Variants in DDC observed in about 807,000 individuals in gnomAD.
DDC encodes aromatic-L-amino-acid decarboxylase.
In DDC, 43 loss-of-function variants were observed where a neutral mutation model predicts 60.0. That is an observed-to-expected ratio of 0.72 (90% confidence interval 0.56 to 0.92). The LOEUF is 0.92. Ranked by LOEUF, DDC falls within the 40% of genes least tolerant of loss-of-function variation. The pLI is 0.00. For missense variants in DDC, 573 were observed against 620.2 expected (o/e 0.92, Z 0.81); for synonymous variants, 232 against 234.6 (o/e 0.99, Z 0.10).
chr7:50,479,771 C>A lies in DDC; in HGVS notation c.1021+16G>T. 1 of 1,611,736 alleles carries A rather than the reference C, an allele frequency of 6.2e-7. No homozygotes were observed. On this transcript the variant is annotated intron_variant, in intron 10 of 14. Transcript: ENST00000444124. ...AAGACCAGAAACAGTCCACAGAAAG[C>A]AGGCTCACAGCTTACCTGAATCCTG...
chr7:50,473,214 C>T (rs2042570900), intron 11 of DDC, among the ~76,000 whole-genome samples: 1 of 152,194 alleles, frequency 6.6e-6, no homozygotes, highest in African/African-American at 2.4e-5. Context: ...GGCAGTGACA[C>T]TTGTGCCTGC....
Position 50,529,214 on chromosome 7 carries a change from G to A in DDC, c.564C>T (p.Ser188=), listed in dbSNP as rs371336321. Residue 188 remains serine (S), a synonymous_variant, in exon 5 of 15, where the codon TCC becomes TCT. Coordinates refer to ENST00000444124, the MANE Select transcript of DDC (RefSeq NM_001082971.2). ...ACCCCCACAACACACTCACCTGATC[G>A]GATGAGTAAGCCACCAGCTTCTCCA... The part of the protein sequence containing the change: ...AIMEKLVAYS[S]DQAHSSVERA... The A allele has an allele frequency of 9.9e-6, 16 of 1,613,172 alleles. No homozygotes were observed. The highest frequency in any genetic ancestry group is 1.7e-5 in the Admixed American group (1 of 60,012).
At chr7:50,544,540 C>A (rs948728849) in intron 1 of DDC, among the ~76,000 whole-genome samples, 8 of 152,188 alleles carry the variant, frequency 5.3e-5, no homozygotes, top group African/African-American at 1.9e-4. Flanking sequence ...CTCAGGAGGG[C>A]ATGAAGGCAC....
intron 11 of DDC, among the ~76,000 whole-genome samples, chr7:50,473,487 G>A (rs1418721935): frequency 2.0e-5 from 3 of 152,178 alleles, no homozygotes; most frequent in Admixed American, 6.5e-5. Context: ...AGGTTCATGC[G>A]TTTGTCCCCT....
At chr7:50,563,419 A>C (rs368263557) in intron 1 of DDC, among the ~76,000 whole-genome samples, 1 of 152,210 alleles carries the variant, frequency 6.6e-6, no homozygotes, top group East Asian at 1.9e-4. Context: ...AAATTTTCTA[A>C]ATGTTTACTA....
chr7:50,483,992 G>T (rs540456843), intron 9 of DDC, among the ~76,000 whole-genome samples: 1 of 152,006 alleles, frequency 6.6e-6, no homozygotes, highest in Non-Finnish European at 1.5e-5. Flanking sequence ...GATTTTTCAG[G>T]TTTTCTATTT....
At chr7:50,535,532 G>C (rs1467323148) in intron 4 of DDC, among the ~76,000 whole-genome samples, 2 of 152,238 alleles carry the variant, frequency 1.3e-5, no homozygotes, top group Non-Finnish European at 2.9e-5. Context: ...GGAGCACGTG[G>C]AGGGATGACT....
intron 4 of DDC, among the ~76,000 whole-genome samples, chr7:50,530,459 C>T (rs2044168255): frequency 1.3e-5 from 2 of 152,082 alleles, no homozygotes; most frequent in Admixed American, 1.3e-4. Flanking sequence ...TTCGATCCAC[C>T]CAGTCAGTGG....
chr7:50,483,115 C>T (rs1401323755), intron 9 of DDC, among the ~76,000 whole-genome samples: 5 of 151,970 alleles, frequency 3.3e-5, no homozygotes, highest in Non-Finnish European at 5.9e-5. Flanking sequence ...TCTAATATTT[C>T]ACCATTAAGT....
In DDC at chr7:50,486,298, C is replaced by G. The variant is rs546422934; in HGVS notation, c.945-6435G>C. Among the ~76,000 whole-genome samples the G allele has an allele frequency of 6.6e-5, 10 of 152,254 alleles. No individual in the cohort carries two copies. In the East Asian group the frequency reaches 1.5e-3, roughly 24 times the overall value. ...CGTGCATGCACTCTTGGTTTGCATA[C>G]TATCAGATACAGCACAGGCCACTGT... On this transcript the variant is annotated intron_variant, in intron 9 of 14. Transcript: ENST00000444124.
At chr7:50,556,739 G>A (rs760378474) in intron 1 of DDC, among the ~76,000 whole-genome samples, 25 of 152,280 alleles carry the variant, frequency 1.6e-4, no homozygotes, top group Non-Finnish European at 1.5e-4. Context: ...GTCCCACTCC[G>A]CCCAGCTGGC....
chr7:50,534,000 G>A (rs1283574238), intron 4 of DDC, among the ~76,000 whole-genome samples: 1 of 152,238 alleles, frequency 6.6e-6, no homozygotes, highest in Non-Finnish European at 1.5e-5. Flanking sequence ...AGAAGCTGGA[G>A]CAGCTTGCTT....
chr7:50,536,733 T>C (rs1460867306), intron 4 of DDC, among the ~76,000 whole-genome samples: 1 of 152,220 alleles, frequency 6.6e-6, no homozygotes, highest in African/African-American at 2.4e-5. Context: ...TACATAAAAT[T>C]ATCAGTCTTG....
chr7:50,499,172 G>GA lies in DDC; in HGVS notation c.851dup (p.Arg285ProfsTer16), dbSNP rs1313796433. 6.2e-7 allele frequency: 1 copy of GA among 1,613,782 alleles called. No individual in the cohort carries two copies. The highest frequency in any genetic ancestry group is 8.5e-7 in the Non-Finnish European group (1 of 1,179,868). On this transcript the variant is annotated frameshift_variant, in exon 8 of 15. Transcript: ENST00000444124. LOFTEE classifies it high-confidence loss of function. ...CCTCCACTCCATTCAGAAGGTGCCGGAACTCAGGGCAGATGAATGCACTGC... is the reference window on the plus strand; with the variant it reads ...CCTCCACTCCATTCAGAAGGTGCCGGAAACTCAGGGCAGATGAATGCACTGC...
At chr7:50,563,745 G>A (rs1210114074) in intron 1 of DDC, among the ~76,000 whole-genome samples, 3 of 152,098 alleles carry the variant, frequency 2.0e-5, no homozygotes, top group Non-Finnish European at 4.4e-5. Flanking sequence ...GGGACTACAG[G>A]TGCATGCCAC....
chr7:50,532,023 T>C (rs1238936335), intron 4 of DDC: 1 of 152,250 alleles, frequency 6.6e-6, no homozygotes, highest in Non-Finnish European at 1.5e-5. Context: ...AAGAGACCAT[T>C]TTCCCAGACC....
intron 12 of DDC, 111 bp from the exon 13 acceptor site, chr7:50,467,426 G>A: frequency 1.1e-6 from 1 of 912,078 alleles, no homozygotes. Context: ...AGACGCTCTT[G>A]GCAATTTTCC....
chr7:50,510,227 G>C (rs1340234160), intron 6 of DDC, among the ~76,000 whole-genome samples: 4 of 151,932 alleles, frequency 2.6e-5, no homozygotes, highest in Non-Finnish European at 1.5e-5. Context: ...CGCCCACCTT[G>C]GCCTCCCAAA....
At chr7:50,506,387 G>C (rs1039603409) in intron 6 of DDC, among the ~76,000 whole-genome samples, 1 of 152,170 alleles carries the variant, frequency 6.6e-6, no homozygotes, top group African/African-American at 2.4e-5. Context: ...ATAGCATTAG[G>C]AGATACACCT....
Sources: allele counts gnomAD v4.1 joint callset (sites outside exome capture counted in the v4.1 genomes callset), GRCh38; gene constraint gnomAD v4.1.1; transcripts MANE v1.5; gene names NCBI Gene and HGNC (gene_info 2026-07-23, HGNC 2026-07-21).